SGCZ: variants seen among roughly 807,000 people sequenced by gnomAD.
SGCZ encodes sarcoglycan zeta.
In SGCZ, 40 loss-of-function variants were observed where a neutral mutation model predicts 41.3. That is an observed-to-expected ratio of 0.97 (90% CI 0.75 to 1.26). The LOEUF is 1.26. Ranked by LOEUF, SGCZ falls within the 50% of genes most tolerant of loss-of-function variation. The pLI, the probability that SGCZ is intolerant of heterozygous loss-of-function variation, is 0.00. For missense variants in SGCZ, 552 were observed against 369.8 expected (o/e 1.49, Z -4.04); for synonymous variants, 206 against 137.5 (o/e 1.50, Z -3.49).
chr8:14,566,317 G>A (rs187873971), intron 1 of SGCZ, among the ~76,000 whole-genome samples: 3 of 152,320 alleles, frequency 2.0e-5, no homozygotes, highest in Admixed American at 2.0e-4. Flanking sequence ...AAATGGGAAG[G>A]AGTACAGCAT....
intron 3 of SGCZ, among the ~76,000 whole-genome samples, chr8:14,248,549 C>G (rs1031057389): frequency 2.6e-5 from 4 of 151,540 alleles, no homozygotes; most frequent in African/African-American, 9.7e-5. Flanking sequence ...TAAGAAGACT[C>G]TGTATTCTAA....
intron 1 of SGCZ, among the ~76,000 whole-genome samples, chr8:15,180,034 TA>T (rs991775777): frequency 3.8e-4 from 58 of 152,142 alleles, no homozygotes; most frequent in African/African-American, 1.3e-3. Flanking sequence ...CTATGTGTTA[TA>T]AAAAAAATTA....
intron 5 of SGCZ, among the ~76,000 whole-genome samples, chr8:14,136,482 C>T (rs1803202483): frequency 6.6e-6 from 1 of 152,296 alleles, no homozygotes; most frequent in East Asian, 1.9e-4. Flanking sequence ...TAGCAAATGG[C>T]ACACCAGTAC....
intron 3 of SGCZ, among the ~76,000 whole-genome samples, chr8:14,255,491 A>G (rs563564531): frequency 2.0e-5 from 3 of 152,322 alleles, no homozygotes; most frequent in African/African-American, 7.2e-5. Flanking sequence ...TTGAGGTAAA[A>G]GTACAATTAA....
At chr8:14,727,058 T>G (rs925423484) in intron 1 of SGCZ, among the ~76,000 whole-genome samples, 4 of 151,998 alleles carry the variant, frequency 2.6e-5, no homozygotes, top group Admixed American at 2.6e-4. Context: ...TTCAATAAGC[T>G]TATCCGGCAA....
intron 1 of SGCZ, among the ~76,000 whole-genome samples, chr8:15,197,648 C>A (rs988182861): frequency 6.6e-6 from 1 of 152,106 alleles, no homozygotes; most frequent in African/African-American, 2.4e-5. Context: ...AAAATCACAA[C>A]AGAGCTGTGA....
At chr8:14,942,763 C>A (rs377761472) in intron 1 of SGCZ, among the ~76,000 whole-genome samples, 1 of 152,014 alleles carries the variant, frequency 6.6e-6, no homozygotes, top group Non-Finnish European at 1.5e-5. Flanking sequence ...ATGTTGAGAA[C>A]CATTTTCCCT....
At chr8:14,674,505 T>G (rs1808208786) in intron 1 of SGCZ, among the ~76,000 whole-genome samples, 2 of 152,210 alleles carry the variant, frequency 1.3e-5, no homozygotes, top group African/African-American at 4.8e-5. Flanking sequence ...AAAATTGGTT[T>G]GAAAATAAAA....
chr8:14,886,836 G>A (rs1295456382), intron 1 of SGCZ, among the ~76,000 whole-genome samples: 1 of 152,064 alleles, frequency 6.6e-6, no homozygotes, highest in Non-Finnish European at 1.5e-5. Flanking sequence ...AGACTAAAGG[G>A]GCAAGTTGGC....
intron 1 of SGCZ, among the ~76,000 whole-genome samples, chr8:14,735,107 G>C (rs1798987408): frequency 6.6e-6 from 1 of 152,104 alleles, no homozygotes; most frequent in African/African-American, 2.4e-5. Flanking sequence ...AAAGACGGTA[G>C]CACATAAAAT....
chr8:14,674,529 A>T (rs1434525837), intron 1 of SGCZ, among the ~76,000 whole-genome samples: 1 of 152,222 alleles, frequency 6.6e-6, no homozygotes, highest in Non-Finnish European at 1.5e-5. Flanking sequence ...GTAGTTTACA[A>T]TAAACCTATA....
chr8:14,465,818 A>G (rs1312206533), intron 2 of SGCZ, among the ~76,000 whole-genome samples: 1 of 151,794 alleles, frequency 6.6e-6, no homozygotes, highest in Admixed American at 6.6e-5. Context: ...GATGACACAG[A>G]ATTATATCTC....
intron 2 of SGCZ, among the ~76,000 whole-genome samples, chr8:14,380,855 T>C (rs1804335102): frequency 6.6e-6 from 1 of 151,764 alleles, no homozygotes; most frequent in South Asian, 2.1e-4. Flanking sequence ...TGAGAGTCTG[T>C]CTCAAACAAA....
chr8:14,815,458 G>A (rs183959604), intron 1 of SGCZ, among the ~76,000 whole-genome samples: 2 of 151,854 alleles, frequency 1.3e-5, no homozygotes, highest in East Asian at 3.9e-4. Flanking sequence ...AGATGGGAGA[G>A]TAAGAATAAA....
chr8:14,971,820 T>C (rs1488922527), intron 1 of SGCZ, among the ~76,000 whole-genome samples: 1 of 151,892 alleles, frequency 6.6e-6, no homozygotes, highest in Admixed American at 6.6e-5. Context: ...GAGATAATCT[T>C]TGTATTTTTA....
chr8:15,211,149 T>C (rs1245924553), intron 1 of SGCZ, among the ~76,000 whole-genome samples: 1 of 151,792 alleles, frequency 6.6e-6, no homozygotes, highest in African/African-American at 2.4e-5. Context: ...ATATTCTATA[T>C]GTTGATATCT....
At chr8:14,819,469 A>T (rs1802007164) in intron 1 of SGCZ, among the ~76,000 whole-genome samples, 1 of 152,182 alleles carries the variant, frequency 6.6e-6, no homozygotes, top group Admixed American at 6.5e-5. Context: ...GACTGGCCTT[A>T]TAGGGAACAC....
intron 1 of SGCZ, among the ~76,000 whole-genome samples, chr8:15,064,397 C>T (rs948061343): frequency 5.3e-5 from 8 of 152,104 alleles, no homozygotes; most frequent in African/African-American, 1.9e-4. Flanking sequence ...ATATATTATA[C>T]ACAACTGAAA....
At chr8:14,313,084 A>G (rs762869746) in intron 3 of SGCZ, among the ~76,000 whole-genome samples, 1 of 152,184 alleles carries the variant, frequency 6.6e-6, no homozygotes, top group Non-Finnish European at 1.5e-5. Context: ...CAGATAAGTT[A>G]CATAACTACT....
Sources: gnomAD v4.1 joint callset for allele counts (sites outside exome capture counted in the v4.1 genomes callset) on GRCh38, gnomAD v4.1.1 for gene constraint, MANE v1.5 for transcripts, NCBI Gene and HGNC (gene_info 2026-07-23, HGNC 2026-07-21) for gene names.